Variants in KCNIP1 observed in about 807,000 individuals in gnomAD.
The protein encoded by KCNIP1 is A-type potassium channel modulatory protein KCNIP1.
KCNIP1 carries 18 observed loss-of-function variants against 33.0 expected under a neutral mutation model. That is an observed-to-expected ratio of 0.55 (90% CI 0.38 to 0.81). KCNIP1 has a LOEUF of 0.81. Ranked by LOEUF, KCNIP1 falls within the 30% of genes least tolerant of loss-of-function variation. KCNIP1 has a pLI of 0.00. For missense variants in KCNIP1, 238 were observed against 271.6 expected, an observed-to-expected ratio of 0.88 and a Z score of 0.87; for synonymous variants, 93 against 98.3, an observed-to-expected ratio of 0.95 and a Z score of 0.32.
At chr5:170,496,069 C>T (rs1378015978) in intron 1 of KCNIP1, among the ~76,000 whole-genome samples, 5 of 152,188 alleles carry the variant, frequency 3.3e-5, no homozygotes, top group African/African-American at 9.7e-5. Flanking sequence ...CATCAGGCAG[C>T]GGCAGGGTTA....
At chr5:170,406,039 A>G (rs946482766) in intron 1 of KCNIP1, among the ~76,000 whole-genome samples, 4 of 152,186 alleles carry the variant, frequency 2.6e-5, no homozygotes, top group African/African-American at 9.7e-5. Context: ...CTCAAAACTT[A>G]TCTGTCTCCT....
At chr5:170,405,534 C>T (rs915998964) in intron 1 of KCNIP1, among the ~76,000 whole-genome samples, 1 of 152,198 alleles carries the variant, frequency 6.6e-6, no homozygotes, top group African/African-American at 2.4e-5. Context: ...GCAGCCTGGA[C>T]TCAGGCATCC....
rs548934560 is a variant in KCNIP1 at position 170,554,532 on chromosome 5, G to A, written c.61+49899G>A. ...TGAGGCCAGAAGAGTGGGGGAAGAT[G>A]GCTTGATGACAGACGGAATCTCAGG... On this transcript the variant is annotated intron_variant, in intron 1 of 7. Transcript: ENST00000328939. Among the ~76,000 whole-genome samples, 385 of 152,340 alleles carry A rather than the reference G, an allele frequency of 2.5e-3. 1 individual carries two copies. Among genetic ancestry groups the A allele is most frequent in the African/African-American group, 9.0e-3 (373 of 41,582 alleles).
chr5:170,627,083 C>T (rs959914150), intron 1 of KCNIP1, among the ~76,000 whole-genome samples: 4 of 152,108 alleles, frequency 2.6e-5, no homozygotes, highest in Non-Finnish European at 5.9e-5. Flanking sequence ...CAGTGGGGGC[C>T]GTGGCTCTGA....
chr5:170,366,124 T>C (rs1408097094), intron 1 of KCNIP1, among the ~76,000 whole-genome samples: 5 of 152,228 alleles, frequency 3.3e-5, no homozygotes, highest in African/African-American at 1.2e-4. Flanking sequence ...CAAAGAGTTT[T>C]ATTCTAGGGA....
chr5:170,482,924 G>C, intron 1 of KCNIP1: 1 of 349,760 alleles, frequency 2.9e-6, no homozygotes, highest in South Asian at 2.2e-5. Context: ...TGTCCTGAGA[G>C]GTTTTATCTG....
intron 1 of KCNIP1, among the ~76,000 whole-genome samples, chr5:170,554,979 A>C (rs1756792150): frequency 6.6e-6 from 1 of 152,178 alleles, no homozygotes; most frequent in Non-Finnish European, 1.5e-5. Flanking sequence ...AGGGGATTTG[A>C]GAAGCTGGCT....
chr5:170,697,043 C>T (rs1762921828), intron 1 of KCNIP1, among the ~76,000 whole-genome samples: 1 of 151,866 alleles, frequency 6.6e-6, no homozygotes, highest in Non-Finnish European at 1.5e-5. Flanking sequence ...CCTCCTCCTC[C>T]TCCATCTCCT....
intron 1 of KCNIP1, among the ~76,000 whole-genome samples, chr5:170,614,392 C>T (rs1759290314): frequency 6.6e-6 from 1 of 152,322 alleles, no homozygotes; most frequent in South Asian, 2.1e-4. Flanking sequence ...ACATGCATTC[C>T]AGTGGTGCCA....
chr5:170,684,558 C>T (rs1263262574), intron 1 of KCNIP1, among the ~76,000 whole-genome samples: 1 of 152,208 alleles, frequency 6.6e-6, no homozygotes, highest in Non-Finnish European at 1.5e-5. Context: ...AAAATACATC[C>T]ACTTAAAAGT....
intron 1 of KCNIP1, among the ~76,000 whole-genome samples, chr5:170,497,742 TC>T (rs1220213737): frequency 6.6e-6 from 1 of 152,022 alleles, no homozygotes; most frequent in Non-Finnish European, 1.5e-5. Flanking sequence ...GAAATATCCT[TC>T]CCCCTCTCCC....
chr5:170,725,721 A>G (rs1763983486), intron 5 of KCNIP1, among the ~76,000 whole-genome samples: 1 of 152,210 alleles, frequency 6.6e-6, no homozygotes, highest in South Asian at 2.1e-4. Context: ...CCCATTTTTC[A>G]TGATGTGGTT....
intron 1 of KCNIP1, among the ~76,000 whole-genome samples, chr5:170,540,940 G>A (rs1449352094): frequency 6.6e-6 from 1 of 152,200 alleles, no homozygotes. Flanking sequence ...CACTGGATAT[G>A]AAATGTGCCC....
At chr5:170,529,902 G>A (rs1755722201) in intron 1 of KCNIP1, among the ~76,000 whole-genome samples, 1 of 151,784 alleles carries the variant, frequency 6.6e-6, no homozygotes, top group South Asian at 2.1e-4. Flanking sequence ...CACCCTTCCA[G>A]GCCTTTCTTC....
intron 1 of KCNIP1, among the ~76,000 whole-genome samples, chr5:170,539,989 AAAT>A (rs897349668): frequency 2.6e-5 from 4 of 152,170 alleles, no homozygotes; most frequent in Non-Finnish European, 5.9e-5. Flanking sequence ...AAGATTTTTT[AAAT>A]AATAATAATA....
chr5:170,420,231 A>G (rs998650140), intron 1 of KCNIP1, among the ~76,000 whole-genome samples: 32 of 152,290 alleles, frequency 2.1e-4, no homozygotes, highest in South Asian at 2.1e-3. Flanking sequence ...CTGAGACAGC[A>G]GGGCCAGCCC....
intron 1 of KCNIP1, among the ~76,000 whole-genome samples, chr5:170,535,674 T>G (rs1288901459): frequency 6.6e-6 from 1 of 152,160 alleles, no homozygotes; most frequent in South Asian, 2.1e-4. Context: ...CCTTTGCTTC[T>G]CACACTTGTA....
At position 170,610,326 on chromosome 5, in the gene KCNIP1, C is replaced by T. The variant is rs192677373; in HGVS notation, c.61+105693C>T. Among the ~76,000 whole-genome samples the T allele has an allele frequency of 1.6e-4, 25 of 152,254 alleles. No individual in the cohort carries two copies. The East Asian group carries it at 4.8e-3, about 29-fold the overall frequency. ...AGTGAGCTATTATATTGACCAAATCCCCATTATAAACACCATCATGTACTT... is the reference window on the plus strand; with the variant it reads ...AGTGAGCTATTATATTGACCAAATCTCCATTATAAACACCATCATGTACTT... On this transcript the variant is annotated intron_variant, in intron 1 of 7. Coordinates refer to ENST00000328939, the MANE Select transcript of KCNIP1 (RefSeq NM_014592.4).
At chr5:170,710,088 G>A (rs577394853) in intron 1 of KCNIP1, among the ~76,000 whole-genome samples, 1 of 152,072 alleles carries the variant, frequency 6.6e-6, no homozygotes, top group Non-Finnish European at 1.5e-5. Flanking sequence ...GGTTGGTCTC[G>A]AACTCCTGAC....
Sources: allele counts gnomAD v4.1 joint callset (sites outside exome capture counted in the v4.1 genomes callset), GRCh38; gene constraint gnomAD v4.1.1; transcripts MANE v1.5; gene names NCBI Gene and HGNC (gene_info 2026-07-23, HGNC 2026-07-21).